Variants in DSCAM observed in about 807,000 individuals in gnomAD.
DSCAM encodes DS cell adhesion molecule, also known as cell adhesion molecule DSCAM.
DSCAM carries 47 observed loss-of-function variants against 217.7 expected under a neutral mutation model. That is an observed-to-expected ratio of 0.22 (90% CI 0.17 to 0.28). The LOEUF is 0.28. Among genes scored for constraint, DSCAM ranks in the 10% least tolerant of loss-of-function variants. The pLI is 1.00. For synonymous variants in DSCAM, 1,056 were observed against 1,015.3 expected (o/e 1.04, Z -0.76); for missense variants, 2,080 against 2,618.3 (o/e 0.79, Z 4.49).
chr21:40,177,344 CA>C (rs2090745187), intron 15 of DSCAM, among the ~76,000 whole-genome samples: 1 of 152,150 alleles, frequency 6.6e-6, no homozygotes, highest in Non-Finnish European at 1.5e-5. Context: ...GTCCATTTTG[CA>C]GATGAGAAAT....
At chr21:40,527,496 C>T (rs2076409551) in intron 3 of DSCAM, among the ~76,000 whole-genome samples, 1 of 152,174 alleles carries the variant, frequency 6.6e-6, no homozygotes, top group South Asian at 2.1e-4. Flanking sequence ...ATCCAGTTCT[C>T]CTTATCTTCC....
Position 40,066,397 on chromosome 21 carries a change from C to G in DSCAM, c.4889-3498G>C, listed in dbSNP as rs2089207520. Among the ~76,000 whole-genome samples the G allele has an allele frequency of 2.0e-5, 3 of 152,234 alleles. No individual in the cohort carries two copies. The South Asian group carries it at 6.2e-4, about 32-fold the overall frequency. ...TTCCCTTGCTTGGCCTCAGCTTTCT[C>G]TTTTCTGGGTTACATTCTCTAATTT... On this transcript the variant is annotated intron_variant, in intron 27 of 32. Transcript: ENST00000400454.
chr21:40,652,490 C>G (rs1338951489), intron 3 of DSCAM, among the ~76,000 whole-genome samples: 1 of 152,030 alleles, frequency 6.6e-6, no homozygotes, highest in Non-Finnish European at 1.5e-5. Context: ...TTTTTTCCAC[C>G]CAGACTGAAT....
At chr21:40,773,154 TC>T (rs1481237119) in intron 1 of DSCAM, among the ~76,000 whole-genome samples, 2 of 152,158 alleles carry the variant, frequency 1.3e-5, no homozygotes, top group African/African-American at 4.8e-5. Context: ...CCTTCATCAG[TC>T]CCTCGCACGA....
Position 40,347,616 on chromosome 21 carries a change from G to C in DSCAM, c.1210+54C>G, listed in dbSNP as rs972985201. 3.7e-6 allele frequency: 6 copies of C among 1,605,782 alleles called. No individual in the cohort carries two copies. The South Asian group carries it at 4.4e-5, about 12-fold the overall frequency. On this transcript the variant is annotated intron_variant, in intron 6 of 32. Transcript: ENST00000400454. ...TTCACCCTGTCTTCTTCTTTTCTGA[G>C]TGCTCTGGGTTTGGGTTCTTTTTCA... is the stretch of plus-strand genomic sequence containing the variant.
intron 4 of DSCAM, among the ~76,000 whole-genome samples, chr21:40,357,741 T>G (rs2074710552): frequency 6.6e-6 from 1 of 151,798 alleles, no homozygotes; most frequent in Admixed American, 6.6e-5. Context: ...GAGATAGCAT[T>G]AGGAGATATA....
chr21:40,055,865 T>A, intron 28 of DSCAM, 25 bp from the exon 29 acceptor site: 1 of 1,565,782 alleles, frequency 6.4e-7, no homozygotes, highest in Non-Finnish European at 8.8e-7. Flanking sequence ...GGGTAATGCA[T>A]TAACAAATCC....
intron 1 of DSCAM, among the ~76,000 whole-genome samples, chr21:40,837,873 T>C (rs1451740743): frequency 6.6e-6 from 1 of 152,222 alleles, no homozygotes; most frequent in African/African-American, 2.4e-5. Context: ...CATTGTTATT[T>C]CTACCCTGCA....
chr21:40,114,840 A>G (rs2146646039), intron 20 of DSCAM, among the ~76,000 whole-genome samples: 1 of 152,356 alleles, frequency 6.6e-6, no homozygotes, highest in South Asian at 2.1e-4. Context: ...CTGTTAGAGA[A>G]ATGCAAATCA....
chr21:40,039,743 C>G (rs1348349233), intron 32 of DSCAM, among the ~76,000 whole-genome samples: 1 of 152,038 alleles, frequency 6.6e-6, no homozygotes, highest in East Asian at 1.9e-4. Context: ...CACAGTCTGG[C>G]CAAATTCATG....
Position 40,765,935 on chromosome 21 carries a change from G to A in DSCAM, c.44-57164C>T, listed in dbSNP as rs965765469. On this transcript the variant is annotated intron_variant, in intron 1 of 32. Transcript: ENST00000400454. Reference sequence around the variant, plus strand: ...GAGGAGCTGACCTCCGCCCTGTGCTGCTGATGGGAATGGCATTTCCCCACC... The same window carrying A: ...GAGGAGCTGACCTCCGCCCTGTGCTACTGATGGGAATGGCATTTCCCCACC... Among the ~76,000 whole-genome samples the A allele has an allele frequency of 2.0e-5, 3 of 152,210 alleles. No individual in the cohort carries two copies. The South Asian group carries it at 6.2e-4, about 31-fold the overall frequency.
At chr21:40,481,661 G>T (rs1312810661) in intron 3 of DSCAM, among the ~76,000 whole-genome samples, 1 of 151,482 alleles carries the variant, frequency 6.6e-6, no homozygotes, top group Non-Finnish European at 1.5e-5. Flanking sequence ...ACAACACTAC[G>T]AAAGTGTGAT....
rs752887294 is a variant in DSCAM at position 40,042,430 on chromosome 21, G to T, written c.5627C>A (p.Pro1876His). 1.2e-6 allele frequency: 2 copies of T among 1,614,216 alleles called. No homozygotes were observed. Among genetic ancestry groups the T allele is most frequent in the Non-Finnish European group, 1.7e-6 (2 of 1,180,032 alleles). Reference sequence around the variant, plus strand: ...TACTCTTCCTCCATCCTGAGGTTTGGGGGGAGATGCAGTGAACCTGCAGAT... The same window carrying T: ...TACTCTTCCTCCATCCTGAGGTTTGTGGGGAGATGCAGTGAACCTGCAGAT... ...SGICRFTASP[P>H]KPQDGGRVMN... The change falls in exon 32 of 33, where the codon CCC becomes CAC. Residue 1876 changes from proline to histidine, a missense_variant. Coordinates refer to ENST00000400454, the MANE Select transcript of DSCAM (RefSeq NM_001389.5).
intron 21 of DSCAM, among the ~76,000 whole-genome samples, chr21:40,091,732 G>A (rs946329117): frequency 6.6e-6 from 1 of 152,116 alleles, no homozygotes; most frequent in Non-Finnish European, 1.5e-5. Flanking sequence ...CACAATTATG[G>A]CAGAAGGTGA....
intron 3 of DSCAM, among the ~76,000 whole-genome samples, chr21:40,399,062 C>G (rs752995633): frequency 6.6e-6 from 1 of 152,162 alleles, no homozygotes; most frequent in Non-Finnish European, 1.5e-5. Context: ...CTTGAGCCTA[C>G]AAGTTTGAGA....
At chr21:40,205,986 C>T (rs1445310515) in intron 11 of DSCAM, among the ~76,000 whole-genome samples, 2 of 152,138 alleles carry the variant, frequency 1.3e-5, no homozygotes, top group African/African-American at 4.8e-5. Flanking sequence ...AACTATCTCA[C>T]CCACAGAGGC....
At position 40,231,205 on chromosome 21, in the gene DSCAM, G is replaced by A. The variant is rs144612003; in HGVS notation, c.2357-41967C>T. 1.5e-3 allele frequency among the ~76,000 whole-genome samples: 228 copies of A among 150,920 alleles called. 1 individual carries two copies. The highest frequency in any genetic ancestry group is 2.7e-3 in the Non-Finnish European group (181 of 67,794). Reference sequence around the variant, plus strand: ...GGTTTGATCTTCACTGTGAGAATCTGGTAAGGTTCCTAGAGAGAAAGTCTG... The same window carrying A: ...GGTTTGATCTTCACTGTGAGAATCTAGTAAGGTTCCTAGAGAGAAAGTCTG... On this transcript the variant is annotated intron_variant, in intron 11 of 32. Coordinates refer to ENST00000400454, the MANE Select transcript of DSCAM (RefSeq NM_001389.5).
At chr21:40,161,640 T>G (rs1360309408) in intron 16 of DSCAM, among the ~76,000 whole-genome samples, 1 of 152,132 alleles carries the variant, frequency 6.6e-6, no homozygotes, top group Non-Finnish European at 1.5e-5. Flanking sequence ...ATTTTGAAAT[T>G]TTTTTTTCTT....
rs148868893 is a variant in DSCAM, at chr21:40,290,426, G to T, written c.2182+5629C>A. Among the ~76,000 whole-genome samples, 249 of 152,214 alleles carry T rather than the reference G, an allele frequency of 1.6e-3. 1 individual carries two copies. The highest frequency in any genetic ancestry group is 5.5e-3 in the African/African-American group (228 of 41,544). ...TCACGAGGTCAGGAGTTCAAGACCAGCCTGGCCAATATGGTGAAACCCCAT... is the reference window on the plus strand; with the variant it reads ...TCACGAGGTCAGGAGTTCAAGACCATCCTGGCCAATATGGTGAAACCCCAT... On this transcript the variant is annotated intron_variant, in intron 10 of 32. Coordinates refer to ENST00000400454, the MANE Select transcript of DSCAM (RefSeq NM_001389.5).
Sources: allele counts gnomAD v4.1 joint callset (sites outside exome capture counted in the v4.1 genomes callset), GRCh38; gene constraint gnomAD v4.1.1; transcripts MANE v1.5; gene names NCBI Gene and HGNC (gene_info 2026-07-23, HGNC 2026-07-21).